Variants in RALGPS1 observed in about 807,000 individuals in gnomAD.
RALGPS1 encodes ras-specific guanine nucleotide-releasing factor RalGPS1.
In RALGPS1, 19 loss-of-function variants were observed where a neutral mutation model predicts 78.8. That is an observed-to-expected ratio of 0.24 (90% CI 0.17 to 0.35). The LOEUF (loss-of-function observed/expected upper bound fraction) is 0.35. RALGPS1 is among the 10% of genes least tolerant of loss of function. RALGPS1 has a pLI of 1.00. For synonymous variants in RALGPS1, 228 were observed against 256.3 expected, an observed-to-expected ratio of 0.89 and a Z score of 1.06; for missense variants, 454 against 688.3, an observed-to-expected ratio of 0.66 and a Z score of 3.81.
chr9:126,981,975 C>T (rs1023186063), intron 4 of RALGPS1, among the ~76,000 whole-genome samples: 5 of 152,050 alleles, frequency 3.3e-5, no homozygotes, highest in African/African-American at 2.4e-5. Flanking sequence ...CAAGGTGGCT[C>T]GTGCACAATG....
intron 1 of RALGPS1, among the ~76,000 whole-genome samples, chr9:126,922,691 C>T (rs1043445389): frequency 6.6e-6 from 1 of 152,178 alleles, no homozygotes; most frequent in African/African-American, 2.4e-5. Context: ...CACTGTGTGC[C>T]CTGCCTTAGC....
At chr9:126,923,061 A>G (rs2034925024) in intron 1 of RALGPS1, among the ~76,000 whole-genome samples, 1 of 152,162 alleles carries the variant, frequency 6.6e-6, no homozygotes, top group Non-Finnish European at 1.5e-5. Flanking sequence ...CCTGTAGTAG[A>G]TGCTCCTTAA....
intron 1 of RALGPS1, among the ~76,000 whole-genome samples, chr9:126,955,937 A>G (rs1478782844): frequency 6.6e-6 from 1 of 152,214 alleles, no homozygotes; most frequent in Non-Finnish European, 1.5e-5. Context: ...TGATGCTGAC[A>G]GAGAGGCATT....
chr9:127,195,521 C>G (rs1250859106), intron 12 of RALGPS1, among the ~76,000 whole-genome samples: 1 of 152,152 alleles, frequency 6.6e-6, no homozygotes, highest in African/African-American at 2.4e-5. Context: ...GAGAATTTGC[C>G]CAAGCCCAGT....
At chr9:126,974,184 T>C (rs957312757) in intron 3 of RALGPS1, among the ~76,000 whole-genome samples, 2 of 152,198 alleles carry the variant, frequency 1.3e-5, no homozygotes, top group Non-Finnish European at 2.9e-5. Flanking sequence ...TAGTTTGACA[T>C]TTTTTAAAAA....
chr9:126,995,919 T>C (rs1312664684), intron 4 of RALGPS1, among the ~76,000 whole-genome samples: 1 of 151,610 alleles, frequency 6.6e-6, no homozygotes, highest in African/African-American at 2.4e-5. Flanking sequence ...AACAACCTGC[T>C]CCTGAATGAC....
At chr9:127,174,884 A>T (rs1189017221) in intron 11 of RALGPS1, 102 bp downstream of exon 11, 28 of 1,003,642 alleles carry the variant, frequency 2.8e-5, no homozygotes, top group Non-Finnish European at 4.7e-6. Flanking sequence ...TCAAGTTTGC[A>T]GCTTAGCAGA....
At position 127,051,546 on chromosome 9, in the gene RALGPS1, A is replaced by G. The variant is rs868360639; in HGVS notation, c.391-1301A>G. 4.6e-5 allele frequency among the ~76,000 whole-genome samples: 7 copies of G among 152,376 alleles called. No homozygotes were observed. In the Middle Eastern group the frequency reaches 0.014, roughly 296 times the overall value. ...AGGCATAACAATGCAGATACATAGA[A>G]TGAAATTCAGTTCACTTAGAGAATC... is the stretch of plus-strand genomic sequence containing the variant. On this transcript the variant is annotated intron_variant, in intron 6 of 18. Transcript: ENST00000259351.
chr9:126,944,527 T>C (rs1281210647), intron 1 of RALGPS1, among the ~76,000 whole-genome samples: 2 of 148,622 alleles, frequency 1.3e-5, no homozygotes, highest in Non-Finnish European at 1.5e-5. Context: ...ACAGGAAATG[T>C]TGAGACCCCT....
chr9:127,130,642 T>C (rs899838932), intron 8 of RALGPS1, among the ~76,000 whole-genome samples: 2 of 152,270 alleles, frequency 1.3e-5, no homozygotes, highest in Admixed American at 6.5e-5. Flanking sequence ...AGACAGTGCA[T>C]GTATTGACAT....
chr9:127,210,973 C>T (rs1203125421), intron 14 of RALGPS1, among the ~76,000 whole-genome samples: 1 of 151,988 alleles, frequency 6.6e-6, no homozygotes, highest in Non-Finnish European at 1.5e-5. Context: ...TTACTTGGTT[C>T]GGGAGATCAG....
At chr9:127,089,186 A>G (rs2052147631) in intron 8 of RALGPS1, 1 of 1,598,192 alleles carries the variant, frequency 6.3e-7, no homozygotes, top group Admixed American at 1.7e-5. Flanking sequence ...AGGCCATTCT[A>G]CTTGCGTCCA....
At chr9:127,133,106 G>A (rs1588090244) in intron 8 of RALGPS1, among the ~76,000 whole-genome samples, 1 of 152,252 alleles carries the variant, frequency 6.6e-6, no homozygotes, top group East Asian at 1.9e-4. Context: ...TGCATGGCTG[G>A]CACATGGTAA....
chr9:127,135,472 ATG>A (rs1306129780), intron 8 of RALGPS1, among the ~76,000 whole-genome samples: 3 of 144,758 alleles, frequency 2.1e-5, no homozygotes, highest in African/African-American at 8.7e-5. Context: ...GGCCAGGGAC[ATG>A]TGCCCCTGTG....
At chr9:127,029,618 G>A (rs999257683) in intron 4 of RALGPS1, among the ~76,000 whole-genome samples, 3 of 152,368 alleles carry the variant, frequency 2.0e-5, no homozygotes, top group African/African-American at 7.2e-5. Flanking sequence ...ATGTGGACAC[G>A]TTTGATGAAC....
chr9:127,124,837 T>C (rs1314765350), intron 8 of RALGPS1, among the ~76,000 whole-genome samples: 2 of 152,204 alleles, frequency 1.3e-5, no homozygotes, highest in Non-Finnish European at 2.9e-5. Context: ...TAATGTGAGC[T>C]ACAGACAAAG....
At position 127,084,993 on chromosome 9, in the gene RALGPS1, CT is replaced by C. The variant is rs2051559113; in HGVS notation, c.610+15639del. Among the ~76,000 whole-genome samples the C allele has an allele frequency of 2.6e-5, 4 of 152,276 alleles. 1 individual carries two copies. The South Asian group carries it at 8.3e-4, about 32-fold the overall frequency. The stretch of plus-strand genomic sequence containing the variant: ...GGTCTTGGGAGATCAGAGAGGACAC[CT>C]TGAACCTCCTAAGAGTGTCTGTGAA... On this transcript the variant is annotated intron_variant, in intron 8 of 18. Transcript: ENST00000259351.
At chr9:126,958,426 A>C (rs1390587219) in intron 1 of RALGPS1, among the ~76,000 whole-genome samples, 2 of 152,140 alleles carry the variant, frequency 1.3e-5, no homozygotes, top group African/African-American at 4.8e-5. Context: ...TTGTGTAGTC[A>C]GTTCTGTCCC....
intron 4 of RALGPS1, among the ~76,000 whole-genome samples, chr9:126,989,497 C>T (rs1388862889): frequency 1.3e-5 from 2 of 152,108 alleles, no homozygotes; most frequent in African/African-American, 4.8e-5. Flanking sequence ...GACTGTGGGC[C>T]TTGGAGGTGA....
Sources: gnomAD v4.1 joint callset for allele counts (sites outside exome capture counted in the v4.1 genomes callset) on GRCh38, gnomAD v4.1.1 for gene constraint, MANE v1.5 for transcripts, NCBI Gene and HGNC (gene_info 2026-07-23, HGNC 2026-07-21) for gene names.